The following SLC27A4 variants were observed in gnomAD, a reference collection of about 807,000 sequenced individuals.
SLC27A4 encodes solute carrier family 27 member 4.
SLC27A4 carries 33 observed loss-of-function variants against 64.4 expected under a neutral mutation model. That is an observed-to-expected ratio of 0.51 (90% CI 0.39 to 0.68). The LOEUF (loss-of-function observed/expected upper bound fraction) is 0.68, where lower values mean the gene tolerates loss of function less well. Ranked by LOEUF, SLC27A4 falls within the 30% of genes least tolerant of loss-of-function variation. The pLI is 0.00. For missense variants in SLC27A4, 824 were observed against 883.5 expected, an observed-to-expected ratio of 0.93 and a Z score of 0.85; for synonymous variants, 377 against 370.0, an observed-to-expected ratio of 1.02 and a Z score of -0.22.
Position 128,353,408 on chromosome 9 carries a change from T to C in SLC27A4, c.1198-7T>C, listed in dbSNP as rs1832766787. 1 of 1,614,118 alleles carries C rather than the reference T, an allele frequency of 6.2e-7. No individual in the cohort carries two copies. The highest frequency in any genetic ancestry group is 1.3e-5 in the African/African-American group (1 of 74,946). On this transcript the variant is annotated splice_polypyrimidine_tract_variant and splice_region_variant and intron_variant, in intron 8 of 12. Transcript: ENST00000300456. The surrounding 1 kb of genome is among the most constrained non-coding windows in gnomAD (Gnocchi z 4.9). ...GAGAGCCCAGGCCCAAGTCTTGGCC[T>C]TCGCAGGTGGGGGCCTGTGGTTTCA...
chr9:128,356,739 C>G (rs952070287), intron 12 of SLC27A4, among the ~76,000 whole-genome samples: 1 of 127,634 alleles, frequency 7.8e-6, no homozygotes, highest in African/African-American at 3.4e-5. Flanking sequence ...GTCAGGAGTT[C>G]GAGACCAGCC....
chr9:128,360,444 G>C lies in SLC27A4; in HGVS notation c.1885G>C (p.Asp629His). The C allele has an allele frequency of 6.2e-7, 1 of 1,614,094 alleles. No homozygotes were observed. The highest frequency in any genetic ancestry group is 8.5e-7 in the Non-Finnish European group (1 of 1,180,040). ...DAQKGRYVPL[D>H]QEAYSRIQAG... ...CCAGAAGGGCCGCTACGTCCCGCTG[G>C]ACCAAGAGGCCTACAGCCGCATCCA... The change falls in exon 13 of 13, where the codon GAC becomes CAC. Residue 629 changes from aspartate (D) to histidine (H), a missense_variant. Asp to His is a moderately conservative substitution (Grantham distance 81). Coordinates refer to ENST00000300456, the MANE Select transcript of SLC27A4 (RefSeq NM_005094.4).
rs369542828 is a variant in SLC27A4, at chr9:128,355,733, A to G, written c.1711A>G (p.Lys571Glu). ...DLERFAQVLE[K>E]ELPLYARPIF... ...GGAGCGCTTTGCTCAGGTCTTGGAG[A>G]AGGAACTGCCCCTGTATGCGCGCCC... The change falls in exon 12 of 13, where the codon AAG becomes GAG. Residue 571 changes from lysine to glutamate, a missense_variant. Coordinates refer to ENST00000300456, the MANE Select transcript of SLC27A4 (RefSeq NM_005094.4). 40 of 1,613,656 alleles carry G rather than the reference A, an allele frequency of 2.5e-5. No homozygotes were observed. In the African/African-American group the frequency reaches 4.5e-4, roughly 18 times the overall value.
chr9:128,344,883 A>G (rs1157819200), intron 2 of SLC27A4, among the ~76,000 whole-genome samples: 1 of 152,134 alleles, frequency 6.6e-6, no homozygotes, highest in African/African-American at 2.4e-5. Context: ...CAGCTCAGCC[A>G]CCCTCCATCC....
intron 3 of SLC27A4, among the ~76,000 whole-genome samples, chr9:128,346,534 TA>T (rs1228920719): frequency 6.6e-6 from 1 of 151,676 alleles, no homozygotes; most frequent in Non-Finnish European, 1.5e-5. Flanking sequence ...ACGCCCGGCC[TA>T]AAAAAAGTTT....
intron 12 of SLC27A4, 22 bp from the exon 13 acceptor site, chr9:128,360,312 G>A: frequency 6.2e-7 from 1 of 1,613,886 alleles, no homozygotes; most frequent in Non-Finnish European, 8.5e-7. Context: ...CCTGCACTGA[G>A]TCTTCTTCCC....
At chr9:128,342,175 G>T (rs762074663) in intron 1 of SLC27A4, 3 of 1,379,298 alleles carry the variant, frequency 2.2e-6, no homozygotes, top group Non-Finnish European at 3.1e-6. Context: ...GGTGGCCACT[G>T]CGCAGACCAG....
At chr9:128,342,512 C>T (rs1260637735) in intron 1 of SLC27A4, 2 of 1,068,482 alleles carry the variant, frequency 1.9e-6, no homozygotes, top group Non-Finnish European at 1.4e-6. Flanking sequence ...CAAAGAACTA[C>T]TGACAACGAA....
intron 12 of SLC27A4, among the ~76,000 whole-genome samples, chr9:128,358,092 G>A (rs552748409): frequency 6.6e-6 from 1 of 152,324 alleles, no homozygotes; most frequent in Non-Finnish European, 1.5e-5. Context: ...AAAATGGCTC[G>A]AAACAACCAG....
At position 128,360,407 on chromosome 9, in the gene SLC27A4, C is replaced by T; in HGVS notation, c.1848C>T (p.Phe616=). 5.0e-6 allele frequency: 8 copies of T among 1,614,172 alleles called. No homozygotes were observed. The South Asian group carries it at 8.8e-5, about 18-fold the overall frequency. ...CGGCTATTGTGAAAGACCCGCTGTT[C>T]TATCTAGATGCCCAGAAGGGCCGCT... The part of the protein sequence containing the change: ...FDPAIVKDPL[F]YLDAQKGRYV... The change falls in exon 13 of 13, where the codon TTC becomes TTT. Residue 616 remains phenylalanine, a synonymous_variant. Transcript: ENST00000300456.
chr9:128,357,978 G>C (rs985025267), intron 12 of SLC27A4, among the ~76,000 whole-genome samples: 1 of 152,134 alleles, frequency 6.6e-6, no homozygotes, highest in African/African-American at 2.4e-5. Context: ...CCGGAGGATT[G>C]AGCAGCACCA....
Position 128,355,389 on chromosome 9 carries a change from C to T in SLC27A4, c.1463-9C>T. ...AGGCCCAGCCCTGCCTCATCCGGCCCCTCCCTAGGTGATGTGCTGGTGATG... is the reference window on the plus strand; with the variant it reads ...AGGCCCAGCCCTGCCTCATCCGGCCTCTCCCTAGGTGATGTGCTGGTGATG... On this transcript the variant is annotated splice_polypyrimidine_tract_variant and intron_variant, in intron 10 of 12. Transcript: ENST00000300456. 6.2e-7 allele frequency: 1 copy of T among 1,613,524 alleles called. No individual in the cohort carries two copies. Among genetic ancestry groups the T allele is most frequent in the Non-Finnish European group, 8.5e-7 (1 of 1,179,976 alleles).
At position 128,350,521 on chromosome 9, in the gene SLC27A4, C is replaced by T. The variant is rs587776380; in HGVS notation, c.823C>T (p.Arg275Cys). The T allele has an allele frequency of 1.1e-5, 17 of 1,613,890 alleles. No homozygotes were observed. The highest frequency in any genetic ancestry group is 8.9e-5 in the East Asian group (4 of 44,886). ...RMAALVYYGF[R>C]MRPNDIVYDC... ...GGCTGCCCTGGTGTACTATGGATTC[C>T]GCATGCGGCCCAACGACATCGTCTA... The change falls in exon 6 of 13, where the codon CGC (arginine) becomes TGC (cysteine). Residue 275 changes from arginine to cysteine, a missense_variant. Physicochemically the swap from Arg to Cys is radical, Grantham distance 180 (BLOSUM62 -3). Coordinates refer to ENST00000300456, the MANE Select transcript of SLC27A4 (RefSeq NM_005094.4).
chr9:128,348,915 C>G (rs1411474216), intron 4 of SLC27A4, among the ~76,000 whole-genome samples: 1 of 152,182 alleles, frequency 6.6e-6, no homozygotes, highest in African/African-American at 2.4e-5. Flanking sequence ...GTATCAGTGC[C>G]AGATACAGGG....
Position 128,360,746 on chromosome 9 carries a change from G to A in SLC27A4, c.*255G>A, listed in dbSNP as rs1832890289. ...CTCTGGTTCCCAGGCTGAGACTGAC[G>A]GGTTTTCTCAGGATGATGTCTTGGG... On this transcript the variant is annotated 3_prime_UTR_variant, in exon 13 of 13. Coordinates refer to ENST00000300456, the MANE Select transcript of SLC27A4 (RefSeq NM_005094.4). The A allele has an allele frequency of 1.7e-5, 9 of 519,156 alleles. No homozygotes were observed. Among genetic ancestry groups the A allele is most frequent in the East Asian group, 7.0e-5 (2 of 28,566 alleles). 32.2% of individuals were successfully genotyped at this position (519,156 alleles called of 1,614,324 possible).
rs781649878 is a variant in SLC27A4 at position 128,360,541 on chromosome 9, G to A, written c.*50G>A. On this transcript the variant is annotated 3_prime_UTR_variant, in exon 13 of 13. Coordinates refer to ENST00000300456, the MANE Select transcript of SLC27A4 (RefSeq NM_005094.4). Reference sequence around the variant, plus strand: ...GCGGATGCTGGATCCGGAGCCCCAGGTTCCGCCCCAGAGCGGTCCTGGACA... The same window carrying A: ...GCGGATGCTGGATCCGGAGCCCCAGATTCCGCCCCAGAGCGGTCCTGGACA... 2.1e-5 allele frequency: 33 copies of A among 1,607,310 alleles called. No individual in the cohort carries two copies. The highest frequency in any genetic ancestry group is 2.6e-5 in the Non-Finnish European group (31 of 1,176,590).
rs1300551408 is a variant in SLC27A4 at position 128,355,671 on chromosome 9, T to G, written c.1649T>G (p.Met550Arg). 1 of 1,611,890 alleles carries G rather than the reference T, an allele frequency of 6.2e-7. No homozygotes were observed. Among genetic ancestry groups the G allele is most frequent in the African/African-American group, 1.3e-5 (1 of 74,938 alleles). Residue 550 changes from methionine (M) to arginine (R), a missense_variant, in exon 12 of 13, where the codon ATG becomes AGG. Transcript: ENST00000300456. The stretch of plus-strand genomic sequence containing the variant: ...CCAGGAACCGAGGGCCGGGCCGGAA[T>G]GGCTGCTGTGGCCAGCCCCACTGGC... ...EVPGTEGRAGMAAVASPTGNC... is the reference protein window; with the variant it reads ...EVPGTEGRAGRAAVASPTGNC...
At chr9:128,347,669 C>A (rs1275282674) in intron 3 of SLC27A4, among the ~76,000 whole-genome samples, 1 of 149,556 alleles carries the variant, frequency 6.7e-6, no homozygotes, top group African/African-American at 2.5e-5. Context: ...CGAGATCATG[C>A]CACTGCACTC....
chr9:128,351,173 A>C (rs1213080290), intron 6 of SLC27A4, among the ~76,000 whole-genome samples: 1 of 152,008 alleles, frequency 6.6e-6, no homozygotes, highest in Non-Finnish European at 1.5e-5. Flanking sequence ...CTGAGGCACG[A>C]GAATTGCTTG....
Sources: allele counts gnomAD v4.1 joint callset (sites outside exome capture counted in the v4.1 genomes callset), GRCh38; gene constraint gnomAD v4.1.1; non-coding constraint Gnocchi (gnomAD v3.1); transcripts MANE v1.5; gene names NCBI Gene and HGNC (gene_info 2026-07-23, HGNC 2026-07-21).